Variants in TDRD3 observed in about 807,000 individuals in gnomAD.
TDRD3 encodes the protein tudor domain-containing protein 3.
TDRD3 carries 45 observed loss-of-function variants against 86.7 expected under a neutral mutation model. The ratio of observed to expected loss-of-function variants is 0.52; its 90% CI spans 0.41 to 0.67. The LOEUF is 0.67. Among genes scored for constraint, TDRD3 ranks in the 30% least tolerant of loss-of-function variants. The probability of loss-of-function intolerance (pLI) is 0.00; values close to 1 mark genes in which losing one functional copy is unlikely to be tolerated. For missense variants in TDRD3, 814 were observed against 889.0 expected, an observed-to-expected ratio of 0.92 and a Z score of 1.07; for synonymous variants, 298 against 301.7, an observed-to-expected ratio of 0.99 and a Z score of 0.13.
intron 4 of TDRD3, among the ~76,000 whole-genome samples, chr13:60,466,656 C>T (rs771147210): frequency 2.0e-5 from 3 of 151,992 alleles, no homozygotes; most frequent in Non-Finnish European, 2.9e-5. Flanking sequence ...GTCGTGGGGG[C>T]GCATGCCTGT....
At chr13:60,489,606 A>G (rs972402088) in intron 7 of TDRD3, among the ~76,000 whole-genome samples, 1 of 152,128 alleles carries the variant, frequency 6.6e-6, no homozygotes, top group African/African-American at 2.4e-5. Flanking sequence ...CCTACTTCAT[A>G]TGTGAGAATT....
chr13:60,531,278 C>A (rs576671091), intron 11 of TDRD3, among the ~76,000 whole-genome samples: 1 of 152,304 alleles, frequency 6.6e-6, no homozygotes, highest in East Asian at 1.9e-4. Flanking sequence ...GATTCTTATT[C>A]TTCCAACTCA....
rs1261602901 is a variant in TDRD3 at position 60,528,880 on chromosome 13, A to C, written c.1655A>C (p.Gln552Pro). Residue 552 changes from glutamine to proline, a missense_variant, in exon 11 of 14, where the codon CAA (glutamine) becomes CCA (proline). Gln to Pro is a moderately conservative substitution (Grantham distance 76, BLOSUM62 -1). Transcript: ENST00000377881. ...GATTATTTTTATGACAGGAAATCAC[A>C]AACAATAAATAATGAAGCTTTCAGT... ...IPDYFYDRKS[Q>P]TINNEAFSGI... The C allele has an allele frequency of 3.1e-6, 5 of 1,612,132 alleles. No homozygotes were observed. In the East Asian group the frequency reaches 1.1e-4, roughly 36 times the overall value.
intron 8 of TDRD3, among the ~76,000 whole-genome samples, chr13:60,501,357 G>A (rs1210604842): frequency 1.3e-5 from 2 of 152,184 alleles, no homozygotes; most frequent in East Asian, 3.9e-4. Context: ...TCTGTCTACA[G>A]CACCATTTGG....
At chr13:60,397,542 G>C (rs1203165293) in intron 1 of TDRD3, 137 bp downstream of exon 1, 24 of 613,848 alleles carry the variant, frequency 3.9e-5, no homozygotes, top group Non-Finnish European at 5.3e-5. Context: ...CGGGCCCTTC[G>C]GGCCGGCTCC....
chr13:60,428,968 G>A (rs1306849648), intron 1 of TDRD3, among the ~76,000 whole-genome samples: 2 of 151,964 alleles, frequency 1.3e-5, no homozygotes, highest in African/African-American at 4.8e-5. Flanking sequence ...AAATTTCCTG[G>A]TCTCCTTCAA....
At chr13:60,527,982 G>C (rs1213503883) in intron 10 of TDRD3, among the ~76,000 whole-genome samples, 1 of 152,176 alleles carries the variant, frequency 6.6e-6, no homozygotes, top group Non-Finnish European at 1.5e-5. Context: ...CATTCAGAAA[G>C]AGTTGATCAG....
intron 7 of TDRD3, among the ~76,000 whole-genome samples, chr13:60,492,331 C>A (rs771738291): frequency 6.6e-6 from 1 of 152,052 alleles, no homozygotes. Flanking sequence ...GTATATTAAC[C>A]AAAATAGTAA....
chr13:60,504,608 A>G (rs775410328), intron 8 of TDRD3, among the ~76,000 whole-genome samples: 2 of 152,246 alleles, frequency 1.3e-5, no homozygotes, highest in African/African-American at 2.4e-5. Flanking sequence ...TACAGCTTTT[A>G]TCTTTCCTTA....
intron 1 of TDRD3, among the ~76,000 whole-genome samples, chr13:60,437,945 G>C (rs1032862034): frequency 6.6e-6 from 1 of 151,958 alleles, no homozygotes. Context: ...CCATGTTTTT[G>C]ATTACACTAT....
chr13:60,467,109 G>T, intron 4 of TDRD3, 129 bp from the exon 5 acceptor site: 1 of 1,021,166 alleles, frequency 9.8e-7, no homozygotes. Flanking sequence ...GCATGCATTA[G>T]CTGTTTTTCC....
chr13:60,553,408 G>A (rs964549950), intron 12 of TDRD3, among the ~76,000 whole-genome samples: 32 of 152,024 alleles, frequency 2.1e-4, no homozygotes, highest in Middle Eastern at 3.4e-3. Context: ...TGTATCCTCC[G>A]CCTGTTACCC....
chr13:60,420,432 T>G (rs1469177330), intron 1 of TDRD3, among the ~76,000 whole-genome samples: 1 of 152,166 alleles, frequency 6.6e-6, no homozygotes, highest in African/African-American at 2.4e-5. Context: ...CAAGAATTGT[T>G]GCCTACTTCA....
chr13:60,526,571 T>TG (rs1485018065), intron 10 of TDRD3, among the ~76,000 whole-genome samples: 2 of 151,452 alleles, frequency 1.3e-5, no homozygotes, highest in Non-Finnish European at 2.9e-5. Context: ...TTTGTTAAAA[T>TG]AAGACATTGT....
At chr13:60,460,670 T>G (rs1323547738) in intron 4 of TDRD3, 130 bp downstream of exon 4, 2 of 845,162 alleles carry the variant, frequency 2.4e-6, no homozygotes, top group Non-Finnish European at 3.4e-6. Context: ...GATGAAATTA[T>G]AGAGCTTTTC....
intron 13 of TDRD3, 49 bp from the exon 14 acceptor site, chr13:60,573,567 A>G (rs1958635374): frequency 2.1e-6 from 2 of 973,982 alleles, no homozygotes; most frequent in South Asian, 9.5e-5. Flanking sequence ...AGTATGGAAA[A>G]GTTAATTTGA....
chr13:60,433,765 C>T (rs141048261), intron 1 of TDRD3, among the ~76,000 whole-genome samples: 15 of 152,320 alleles, frequency 9.8e-5, no homozygotes, highest in African/African-American at 3.4e-4. Flanking sequence ...AGTCCTCGTG[C>T]AGACATGGCT....
At chr13:60,454,067 T>G (rs1412492789) in intron 3 of TDRD3, among the ~76,000 whole-genome samples, 1 of 152,228 alleles carries the variant, frequency 6.6e-6, no homozygotes, top group Admixed American at 6.5e-5. Flanking sequence ...CTTTCATTAT[T>G]CAGCTCTAAA....
At chr13:60,537,172 T>A (rs2137824908) in intron 12 of TDRD3, 1 of 152,246 alleles carries the variant, frequency 6.6e-6, no homozygotes, top group East Asian at 1.9e-4. Flanking sequence ...TTTTGGAGAT[T>A]CTGGTATTTC....
Sources: allele counts gnomAD v4.1 joint callset (sites outside exome capture counted in the v4.1 genomes callset), GRCh38; gene constraint gnomAD v4.1.1; transcripts MANE v1.5; gene names NCBI Gene and HGNC (gene_info 2026-07-23, HGNC 2026-07-21).